The following MTDH variants were observed in gnomAD, a reference collection of about 807,000 sequenced individuals.
MTDH encodes metadherin.
A neutral mutation model predicts 72.7 loss-of-function variants in MTDH; 34 were observed. That is an observed-to-expected ratio of 0.47 (90% CI 0.36 to 0.62). The LOEUF is 0.62. Ranked by LOEUF, MTDH falls within the 20% of genes least tolerant of loss-of-function variation. MTDH has a pLI of 0.00. For synonymous variants in MTDH, 266 were observed against 268.9 expected (o/e 0.99, Z 0.10); for missense variants, 677 against 699.4 (o/e 0.97, Z 0.36).
In MTDH at chr8:97,644,405, G is replaced by A. The variant is rs1811471693; in HGVS notation, c.-102G>A. Reference sequence around the variant, plus strand: ...GCGAGGGACGGCCGCGATGCGCTCGGCCTGAGGTTACCCGGCCCGGCCCTT... The same window carrying A: ...GCGAGGGACGGCCGCGATGCGCTCGACCTGAGGTTACCCGGCCCGGCCCTT... On this transcript the variant is annotated 5_prime_UTR_variant, in exon 1 of 12. Transcript: ENST00000336273. 1 of 1,448,128 alleles carries A rather than the reference G, an allele frequency of 6.9e-7. No individual in the cohort carries two copies. Among genetic ancestry groups the A allele is most frequent in the Non-Finnish European group, 9.1e-7 (1 of 1,099,008 alleles). 89.7% of individuals were successfully genotyped at this position (1,448,128 alleles called of 1,614,324 possible). A position where few individuals can be genotyped will look rare whatever the true frequency, so the allele number is the denominator to read the frequency against.
Position 97,644,898 on chromosome 8 carries a change from G to A in MTDH, c.381+11G>A. ...TCCGAGAAGCCCAAAGTGAGTATGG[G>A]ATGAGCGGCAGTAGAGAACGGGCGA... On this transcript the variant is annotated intron_variant, in intron 1 of 11. Coordinates refer to ENST00000336273, the MANE Select transcript of MTDH (RefSeq NM_178812.4). The A allele has an allele frequency of 1.3e-6, 2 of 1,533,276 alleles. No homozygotes were observed. The highest frequency in any genetic ancestry group is 1.7e-6 in the Non-Finnish European group (2 of 1,152,766). The allele number at this position is 1,533,276 out of a possible 1,614,324, so 95.0% of individuals were successfully genotyped here.
At chr8:97,667,822 T>G (rs1255457165) in intron 2 of MTDH, among the ~76,000 whole-genome samples, 2 of 137,256 alleles carry the variant, frequency 1.5e-5, no homozygotes, top group Non-Finnish European at 3.1e-5. Flanking sequence ...CGAGACCCTG[T>G]CTCTATATTA....
At chr8:97,700,890 G>A (rs770479649) in intron 7 of MTDH, among the ~76,000 whole-genome samples, 4 of 152,102 alleles carry the variant, frequency 2.6e-5, no homozygotes, top group East Asian at 1.9e-4. Flanking sequence ...GTAAGCTGGC[G>A]ACACAGTGGT....
At chr8:97,687,328 A>G (rs990775009) in intron 3 of MTDH, 101 bp from the exon 4 acceptor site, 5 of 955,534 alleles carry the variant, frequency 5.2e-6, no homozygotes, top group Admixed American at 6.1e-5. Context: ...ATCTAAATTT[A>G]TCATGATATT....
At chr8:97,689,676 A>G (rs555656961) in intron 5 of MTDH, among the ~76,000 whole-genome samples, 21 of 151,682 alleles carry the variant, frequency 1.4e-4, no homozygotes, top group Non-Finnish European at 2.6e-4. Context: ...TAAAATTGGA[A>G]ATGAAAAAAG....
At position 97,690,122 on chromosome 8, in the gene MTDH, G is replaced by A. The variant is rs574639323; in HGVS notation, c.812-830G>A. Among the ~76,000 whole-genome samples the A allele has an allele frequency of 2.0e-5, 3 of 151,620 alleles. No individual in the cohort carries two copies. The East Asian group carries it at 5.8e-4, about 29-fold the overall frequency. On this transcript the variant is annotated intron_variant, in intron 5 of 11. Coordinates refer to ENST00000336273, the MANE Select transcript of MTDH (RefSeq NM_178812.4). Reference sequence around the variant, plus strand: ...CAATTCTGCTTCAGCCTCCTGAGTAGCTGGGATTACAGGCACTTGCAACTA... The same window carrying A: ...CAATTCTGCTTCAGCCTCCTGAGTAACTGGGATTACAGGCACTTGCAACTA...
At chr8:97,697,749 C>T (rs915933602) in intron 6 of MTDH, among the ~76,000 whole-genome samples, 4 of 151,944 alleles carry the variant, frequency 2.6e-5, no homozygotes, top group Non-Finnish European at 2.9e-5. Context: ...ATATAAAAAC[C>T]GGATGGTTGG....
At position 97,664,649 on chromosome 8, in the gene MTDH, A is replaced by G. The variant is rs530717862; in HGVS notation, c.483+3476A>G. Among the ~76,000 whole-genome samples, 20 of 152,178 alleles carry G rather than the reference A, an allele frequency of 1.3e-4. No individual in the cohort carries two copies. The East Asian group carries it at 3.7e-3, about 28-fold the overall frequency. On this transcript the variant is annotated intron_variant, in intron 2 of 11. Coordinates refer to ENST00000336273, the MANE Select transcript of MTDH (RefSeq NM_178812.4). The stretch of plus-strand genomic sequence containing the variant: ...AGTTAATTTTTTGTGGTATTGCACT[A>G]TGTGTGTATTGCGCTTTGTGTTTTA...
intron 2 of MTDH, among the ~76,000 whole-genome samples, chr8:97,682,490 G>A (rs923297138): frequency 1.3e-5 from 2 of 150,086 alleles, no homozygotes; most frequent in African/African-American, 4.9e-5. Flanking sequence ...AGTAGAGACA[G>A]GGTTTCACCA....
intron 9 of MTDH, 71 bp downstream of exon 9, chr8:97,713,840 G>A: frequency 5.0e-6 from 4 of 805,954 alleles, no homozygotes; most frequent in Non-Finnish European, 7.5e-6. Flanking sequence ...ATGTACAGAT[G>A]TTAAAAATAC....
intron 2 of MTDH, among the ~76,000 whole-genome samples, chr8:97,667,768 G>C (rs1352437030): frequency 6.7e-6 from 1 of 149,728 alleles, no homozygotes; most frequent in East Asian, 2.0e-4. Flanking sequence ...AAGGCAGGAG[G>C]ATTGCTTGAG....
At chr8:97,675,786 GGCTTAAGCC>G (rs1418937904) in intron 2 of MTDH, among the ~76,000 whole-genome samples, 1 of 142,756 alleles carries the variant, frequency 7.0e-6, no homozygotes, top group Non-Finnish European at 1.5e-5. Context: ...GTGAGAGGAT[GGCTTAAGCC>G]CAGGAGGTAG....
Position 97,682,233 on chromosome 8 carries a change from TATATATATATATATATATATATATATA to T in MTDH, c.484-4434_484-4408del, listed in dbSNP as rs1813115187. Reference sequence around the variant, plus strand: ...ATGGGTGTTCTTGTTAATTACTTTATATATATATATATATATATATATATATATATATATATATATATATATATTTTT... The same window carrying T: ...ATGGGTGTTCTTGTTAATTACTTTATTATATATATATATATATATATTTTT... On this transcript the variant is annotated intron_variant, in intron 2 of 11. Coordinates refer to ENST00000336273, the MANE Select transcript of MTDH (RefSeq NM_178812.4). Among the ~76,000 whole-genome samples, 3 of 1,668 alleles carry T rather than the reference TATATATATATATATATATATATATATA, an allele frequency of 1.8e-3. 1 individual carries two copies. The highest frequency in any genetic ancestry group is 6.7e-3 in the African/African-American group (3 of 450). 1.1% of individuals were successfully genotyped at this position (1,668 alleles called of 152,430 possible).
chr8:97,644,928 C>T, intron 1 of MTDH, 41 bp downstream of exon 1: 1 of 1,490,210 alleles, frequency 6.7e-7, no homozygotes, highest in Non-Finnish European at 8.9e-7. Context: ...GGGCGAAGGG[C>T]GGGCGTGGAG....
At chr8:97,645,288 C>T (rs1675985850) in intron 1 of MTDH, among the ~76,000 whole-genome samples, 2 of 152,114 alleles carry the variant, frequency 1.3e-5, no homozygotes, top group South Asian at 4.1e-4. Context: ...AGACTGCGCT[C>T]GGAAGACAGA....
chr8:97,690,945 CT>C lies in MTDH; in HGVS notation c.812-4del. On this transcript the variant is annotated splice_region_variant and splice_polypyrimidine_tract_variant and intron_variant, in intron 5 of 11. Transcript: ENST00000336273. ...TGTTTTTTAATATTCATTTTCTTTT[CT>C]TTAAGTTTCTTCAGGATTGAATGAA... The C allele has an allele frequency of 6.3e-7, 1 of 1,584,638 alleles. No homozygotes were observed. The highest frequency in any genetic ancestry group is 8.6e-7 in the Non-Finnish European group (1 of 1,166,036).
chr8:97,683,045 C>CTTTTTTTTTTTTTTTTTTTTT (rs71271144), intron 2 of MTDH, among the ~76,000 whole-genome samples: 1 of 44,386 alleles, frequency 2.3e-5, no homozygotes, highest in African/African-American at 8.3e-5. Context: ...CTCTTAGACA[C>CTTTTTTTTTTTTTTTTTTTTT]TTTTTTTTTT....
At chr8:97,689,632 T>C (rs1264248077) in intron 5 of MTDH, among the ~76,000 whole-genome samples, 2 of 152,026 alleles carry the variant, frequency 1.3e-5, no homozygotes, top group East Asian at 1.9e-4. Context: ...TAGAGTGTTA[T>C]GCCTGACCTG....
At chr8:97,716,113 G>A (rs968969629) in intron 9 of MTDH, among the ~76,000 whole-genome samples, 2 of 152,132 alleles carry the variant, frequency 1.3e-5, no homozygotes, top group Non-Finnish European at 2.9e-5. Flanking sequence ...ATGGCTGGGC[G>A]CGGTGGCTCA....
Sources: allele counts gnomAD v4.1 joint callset (sites outside exome capture counted in the v4.1 genomes callset), GRCh38; gene constraint gnomAD v4.1.1; transcripts MANE v1.5; gene names NCBI Gene and HGNC (gene_info 2026-07-23, HGNC 2026-07-21).